Variants in PRRX2 observed in about 807,000 individuals in gnomAD.
PRRX2 encodes paired related homeobox 2, also known as paired mesoderm homeobox protein 2.
Under a neutral mutation model 18.0 loss-of-function variants are expected in PRRX2, and 11 were observed. The ratio of observed to expected loss-of-function variants is 0.61; its 90% confidence interval spans 0.39 to 1.01. The LOEUF is 1.01. PRRX2 is among the 50% of genes least tolerant of loss of function. The pLI is 0.01. For synonymous variants in PRRX2, 177 were observed against 154.8 expected (o/e 1.14, Z -1.06); for missense variants, 387 against 351.0 (o/e 1.10, Z -0.82).
chr9:129,689,871 G>A (rs1307572022), intron 1 of PRRX2, among the ~76,000 whole-genome samples: 1 of 151,842 alleles, frequency 6.6e-6, no homozygotes, highest in Non-Finnish European at 1.5e-5. Context: ...TCCTGCTTCA[G>A]CCTCCCAAGT....
At chr9:129,669,620 G>C (rs1366086882) in intron 1 of PRRX2, among the ~76,000 whole-genome samples, 1 of 152,126 alleles carries the variant, frequency 6.6e-6, no homozygotes, top group African/African-American at 2.4e-5. Flanking sequence ...ATCCCACGTG[G>C]ATTCATTTTC....
chr9:129,701,297 C>G (rs1832492781), intron 1 of PRRX2, among the ~76,000 whole-genome samples: 1 of 152,222 alleles, frequency 6.6e-6, no homozygotes, highest in Non-Finnish European at 1.5e-5. Context: ...ATCACATTGA[C>G]TTCGCTTCAT....
chr9:129,710,939 C>T (rs368587953), intron 1 of PRRX2, among the ~76,000 whole-genome samples: 2 of 152,102 alleles, frequency 1.3e-5, no homozygotes, highest in South Asian at 2.1e-4. Flanking sequence ...TCTCTGTGCC[C>T]GGCCTGACTG....
intron 1 of PRRX2, among the ~76,000 whole-genome samples, chr9:129,683,887 GC>G (rs1361616840): frequency 6.6e-6 from 1 of 152,154 alleles, no homozygotes; most frequent in Admixed American, 6.5e-5. Context: ...TAAGGCTAAA[GC>G]CCAGGATCAG....
rs776095174 is a variant in PRRX2 at position 129,722,193 on chromosome 9, A to T, written c.627-24A>T. The T allele has an allele frequency of 3.7e-6, 6 of 1,609,690 alleles. No homozygotes were observed. The East Asian group carries it at 1.3e-4, about 36-fold the overall frequency. Reference sequence around the variant, plus strand: ...CCCAGAAGCCAACCGCACCCATGTGACCTGTGTCTCATGTCGCCCCCAGCA... The same window carrying T: ...CCCAGAAGCCAACCGCACCCATGTGTCCTGTGTCTCATGTCGCCCCCAGCA... On this transcript the variant is annotated intron_variant, in intron 3 of 3. Coordinates refer to ENST00000372469, the MANE Select transcript of PRRX2 (RefSeq NM_016307.4).
chr9:129,668,567 C>T (rs1010603771), intron 1 of PRRX2, among the ~76,000 whole-genome samples: 3 of 151,318 alleles, frequency 2.0e-5, no homozygotes, highest in Admixed American at 1.3e-4. Flanking sequence ...CACTAGAGGT[C>T]AGGAGTTTGA....
chr9:129,681,228 C>A (rs993773072), intron 1 of PRRX2, among the ~76,000 whole-genome samples: 28 of 152,208 alleles, frequency 1.8e-4, no homozygotes, highest in Admixed American at 1.7e-3. Context: ...CATCAGAGAG[C>A]AGGTTCCCTG....
At chr9:129,719,993 TAAACAAAC>T (rs140710401) in intron 2 of PRRX2, among the ~76,000 whole-genome samples, 2 of 151,874 alleles carry the variant, frequency 1.3e-5, no homozygotes, top group African/African-American at 4.8e-5. Flanking sequence ...TCTCAATAAA[TAAACAAAC>T]AAACAAACAA....
At chr9:129,705,418 G>A (rs1243110663) in intron 1 of PRRX2, among the ~76,000 whole-genome samples, 2 of 152,148 alleles carry the variant, frequency 1.3e-5, no homozygotes, top group Non-Finnish European at 2.9e-5. Flanking sequence ...TCAGTGGCTT[G>A]ATCCTGGCCC....
chr9:129,668,803 GAAAGA>G (rs71385449), intron 1 of PRRX2, among the ~76,000 whole-genome samples: 11 of 141,870 alleles, frequency 7.8e-5, no homozygotes, highest in Non-Finnish European at 9.2e-5. Context: ...AAAAAAGAAA[GAAAGA>G]AAAGAAAAGA....
chr9:129,706,709 A>G (rs1832562036), intron 1 of PRRX2, among the ~76,000 whole-genome samples: 1 of 152,198 alleles, frequency 6.6e-6, no homozygotes, highest in South Asian at 2.1e-4. Flanking sequence ...GCCTGAGTGC[A>G]GAGGAAGACC....
intron 1 of PRRX2, among the ~76,000 whole-genome samples, chr9:129,677,376 A>G (rs976348448): frequency 1.3e-5 from 2 of 152,238 alleles, no homozygotes; most frequent in Non-Finnish European, 2.9e-5. Flanking sequence ...GAGCCCAGGT[A>G]TCACACTGGC....
chr9:129,717,354 G>GCC (rs1441235994), intron 1 of PRRX2, among the ~76,000 whole-genome samples: 1 of 152,094 alleles, frequency 6.6e-6, no homozygotes, highest in Non-Finnish European at 1.5e-5. Context: ...ACAGGTGTGA[G>GCC]CCACCGCGCC....
chr9:129,682,007 C>T (rs1329410599), intron 1 of PRRX2, among the ~76,000 whole-genome samples: 2 of 152,182 alleles, frequency 1.3e-5, no homozygotes, highest in African/African-American at 2.4e-5. Flanking sequence ...CACCTTCCCA[C>T]GGTACAGGCT....
chr9:129,721,976 C>A (rs894685639), intron 3 of PRRX2, among the ~76,000 whole-genome samples: 1 of 152,130 alleles, frequency 6.6e-6, no homozygotes, highest in African/African-American at 2.4e-5. Flanking sequence ...CATGGACCAA[C>A]CCAGGCCCTG....
chr9:129,716,911 A>G (rs967608736), intron 1 of PRRX2, among the ~76,000 whole-genome samples: 1 of 152,188 alleles, frequency 6.6e-6, no homozygotes, highest in Non-Finnish European at 1.5e-5. Flanking sequence ...CATTTTGGAA[A>G]AACAATCGCA....
chr9:129,722,369 G>A lies in PRRX2; in HGVS notation c.*17G>A. On this transcript the variant is annotated 3_prime_UTR_variant, in exon 4 of 4. Coordinates refer to ENST00000372469, the MANE Select transcript of PRRX2 (RefSeq NM_016307.4). ...GTGAACTGAAGTCCAGTCCCACCAG[G>A]ACCCAGACGCCTCCCTGGGTGGACA... The A allele has an allele frequency of 6.2e-7, 1 of 1,612,592 alleles. No individual in the cohort carries two copies. The highest frequency in any genetic ancestry group is 8.5e-7 in the Non-Finnish European group (1 of 1,179,506).
rs1344431181 is a variant in PRRX2, at chr9:129,665,930, G to A, written c.63G>A (p.Pro21=). The A allele has an allele frequency of 8.9e-7, 1 of 1,119,688 alleles. No individual in the cohort carries two copies. The highest frequency in any genetic ancestry group is 2.5e-5 in the South Asian group (1 of 39,348). 69.4% of individuals were successfully genotyped at this position (1,119,688 alleles called of 1,614,324 possible). A position where few individuals can be genotyped will look rare whatever the true frequency, so the allele number is the denominator to read the frequency against. ...CGGCGCTGGGCCCGGGGCCGCCGCCGCCTCCACCCGCGCTGGGGCCCGGCG... is the reference window on the plus strand; with the variant it reads ...CGGCGCTGGGCCCGGGGCCGCCGCCACCTCCACCCGCGCTGGGGCCCGGCG... ...DKPALGPGPP[P]PPPALGPGDC... The change falls in exon 1 of 4, where the codon CCG becomes CCA. Residue 21 remains proline, a synonymous_variant. Coordinates refer to ENST00000372469, the MANE Select transcript of PRRX2 (RefSeq NM_016307.4). The surrounding 1 kb of genome is among the most constrained non-coding windows in gnomAD (Gnocchi z 5.3).
intron 1 of PRRX2, among the ~76,000 whole-genome samples, chr9:129,681,436 C>T (rs1435661533): frequency 6.6e-6 from 1 of 152,176 alleles, no homozygotes; most frequent in Non-Finnish European, 1.5e-5. Context: ...AGGAGAATTG[C>T]TTGAACCCGG....
Sources: allele counts gnomAD v4.1 joint callset (sites outside exome capture counted in the v4.1 genomes callset), GRCh38; gene constraint gnomAD v4.1.1; non-coding constraint Gnocchi (gnomAD v3.1); transcripts MANE v1.5; gene names NCBI Gene and HGNC (gene_info 2026-07-23, HGNC 2026-07-21).